CLDN7: variants seen among roughly 807,000 people sequenced by gnomAD.
CLDN7 encodes claudin 7, also known as claudin-7.
Under a neutral mutation model 20.3 loss-of-function variants are expected in CLDN7, and 15 were observed. The observed-to-expected ratio is 0.74, with a 90% confidence interval of 0.49 to 1.14. The LOEUF (loss-of-function observed/expected upper bound fraction) is 1.14. Among genes scored for constraint, CLDN7 ranks in the 50% most tolerant of loss-of-function variants. The probability of loss-of-function intolerance (pLI) is 0.00; values close to 1 mark genes in which losing one functional copy is unlikely to be tolerated. For synonymous variants in CLDN7, 117 were observed against 106.1 expected, an observed-to-expected ratio of 1.10 and a Z score of -0.63; for missense variants, 261 against 274.2, an observed-to-expected ratio of 0.95 and a Z score of 0.34.
rs748863158 is a variant in CLDN7, at chr17:7,261,801, C to G, written c.223+20G>C. 3.1e-6 allele frequency: 5 copies of G among 1,609,246 alleles called. No individual in the cohort carries two copies. The highest frequency in any genetic ancestry group is 4.2e-6 in the Non-Finnish European group (5 of 1,179,542). On this transcript the variant is annotated intron_variant, in intron 1 of 3. Transcript: ENST00000360325. Reference sequence around the variant, plus strand: ...ACCTCGGTCAAGGGCGCGTCCGCCCCGTCGGTCCCGCGGCCTTACCGGACA... The same window carrying G: ...ACCTCGGTCAAGGGCGCGTCCGCCCGGTCGGTCCCGCGGCCTTACCGGACA...
Position 7,260,635 on chromosome 17 carries a change from G to GACTT in CLDN7, c.473+3_473+6dup. On this transcript the variant is annotated splice_region_variant and intron_variant, in intron 3 of 3. Transcript: ENST00000360325. ...GTCCCCTTAGGAGGCAGGGTTCCCA[G>GACTT]ACTTACTTAATGTTGGTAGGGATCA... 6.2e-7 allele frequency: 1 copy of GACTT among 1,614,124 alleles called. No homozygotes were observed. The highest frequency in any genetic ancestry group is 8.5e-7 in the Non-Finnish European group (1 of 1,180,008).
Position 7,260,984 on chromosome 17 carries a change from C to A in CLDN7, c.225G>T (p.Ala75=). 5.0e-6 allele frequency: 8 copies of A among 1,608,310 alleles called. No individual in the cohort carries two copies. Among genetic ancestry groups the A allele is most frequent in the East Asian group, 2.2e-5 (1 of 44,862 alleles). ...TTAGGGCTCGAGTGGCCTGCAAGGCCGCTGCGGGCGAGGGGAAAGGGCGCC... is the reference window on the plus strand; with the variant it reads ...TTAGGGCTCGAGTGGCCTGCAAGGCAGCTGCGGGCGAGGGGAAAGGGCGCC... ...KMYDSVLALS[A]ALQATRALMV... The change falls in exon 2 of 4, where the codon GCG becomes GCT. Residue 75 remains alanine, a splice_region_variant and synonymous_variant. Coordinates refer to ENST00000360325, the MANE Select transcript of CLDN7 (RefSeq NM_001307.6).
Position 7,260,868 on chromosome 17 carries a change from T to G in CLDN7, c.341A>C (p.Lys114Thr). 6.2e-7 allele frequency: 1 copy of G among 1,614,238 alleles called. No individual in the cohort carries two copies. The highest frequency in any genetic ancestry group is 8.5e-7 in the Non-Finnish European group (1 of 1,180,040). Residue 114 changes from lysine to threonine, a missense_variant, in exon 2 of 4, where the codon AAG becomes ACG. This residue lies in a region of CLDN7 where 215 missense variants were observed against 199.6 expected (regional missense o/e 1.08). Transcript: ENST00000360325. ...CTRCGGDDKV[K>T]KARIAMGGGI... Reference sequence around the variant, plus strand: ...TCCACCCATGGCTATACGGGCCTTCTTCACTTTGTCGTCTCCCCCACAGCG... The same window carrying G: ...TCCACCCATGGCTATACGGGCCTTCGTCACTTTGTCGTCTCCCCCACAGCG...
Position 7,262,023 on chromosome 17 carries a change from C to T in CLDN7, c.21G>A (p.Gln7=). 6.2e-7 allele frequency: 1 copy of T among 1,613,656 alleles called. No individual in the cohort carries two copies. The highest frequency in any genetic ancestry group is 2.2e-5 in the East Asian group (1 of 44,854). MANSGL[Q]LLGFSMALLG... is the part of the protein sequence containing the mutation. Reference sequence around the variant, plus strand: ...GCAGGGCCATGGAGAAGCCCAGCAACTGCAGGCCCGAATTGGCCATTTCCG... The same window carrying T: ...GCAGGGCCATGGAGAAGCCCAGCAATTGCAGGCCCGAATTGGCCATTTCCG... Residue 7 remains glutamine (Q), a synonymous_variant, in exon 1 of 4, where the codon CAG becomes CAA. Coordinates refer to ENST00000360325, the MANE Select transcript of CLDN7 (RefSeq NM_001307.6). The surrounding 1 kb of genome is among the most constrained non-coding windows in gnomAD (Gnocchi z 6.6).
intron 2 of CLDN7, 38 bp from the exon 3 acceptor site, chr17:7,260,764 C>G (rs749475956): frequency 6.2e-7 from 1 of 1,614,162 alleles, no homozygotes; most frequent in Non-Finnish European, 8.5e-7. Context: ...AGTGAGGCCC[C>G]AAATGGGCGC....
upstream of CLDN7, chr17:7,262,683 G>A (rs147711018): frequency 6.5e-3 from 987 of 152,546 alleles, 10 homozygotes; most frequent in African/African-American, 0.022. This position sits in a 1 kb window ranked among gnomAD's most constrained non-coding sequence, Gnocchi z 6.6. Context: ...CCAGGGTCAC[G>A]CCCCTTCGCT....
upstream of CLDN7, chr17:7,262,514 T>TCGGGGGCGCGGCCCGCGCGCCC (rs890779433): frequency 1.3e-5 from 8 of 627,936 alleles, no homozygotes; most frequent in South Asian, 3.5e-4. This position sits in a 1 kb window ranked among gnomAD's most constrained non-coding sequence, Gnocchi z 6.6. Flanking sequence ...ATGTAGGGCG[T>TCGGGGGCGCGGCCCGCGCGCCC]CGGGGGCGCG....
At position 7,262,163 on chromosome 17, in the gene CLDN7, A is replaced by G; in HGVS notation, c.-120T>C. On this transcript the variant is annotated 5_prime_UTR_variant, in exon 1 of 4. Coordinates refer to ENST00000360325, the MANE Select transcript of CLDN7 (RefSeq NM_001307.6). This position sits in a 1 kb window ranked among gnomAD's most constrained non-coding sequence, Gnocchi z 6.6. ...GGTGGAGTTTTCCGGTCACCCAAAG[A>G]GACAAAAAGGGTTTGGGCCAGGTGA... is the stretch of plus-strand genomic sequence containing the variant. The G allele has an allele frequency of 6.8e-7, 1 of 1,463,844 alleles. No individual in the cohort carries two copies. The highest frequency in any genetic ancestry group is 9.0e-7 in the Non-Finnish European group (1 of 1,112,530). The allele number at this position is 1,463,844 out of a possible 1,614,324, so 90.7% of individuals were successfully genotyped here. A position where few individuals can be genotyped will look rare whatever the true frequency, so the allele number is the denominator to read the frequency against.
In CLDN7 at chr17:7,260,722, A is replaced by C; in HGVS notation, c.393T>G (p.Leu131=). ...ACCAGGAGCAAGCTACCAAGGCGGC[A>C]AGACCTGGAGACAGAATGAGGGTTT... ...GGGIIFIVAG[L]AALVACSWYG... Residue 131 remains leucine (L), a synonymous_variant, in exon 3 of 4, where the codon CTT becomes CTG. Transcript: ENST00000360325. The C allele has an allele frequency of 6.2e-7, 1 of 1,614,238 alleles. No homozygotes were observed. The highest frequency in any genetic ancestry group is 8.5e-7 in the Non-Finnish European group (1 of 1,180,038).
Position 7,259,919 on chromosome 17 carries a change from TTATTTTTTTATTAAA to T in CLDN7, c.*440_*454del. ...ACACCCCCGTACCTAATAAAAATCT[TTATTTTTTTATTAAA>T]AAAGAAGTACTTTGGTAGCTATTTA... On this transcript the variant is annotated 3_prime_UTR_variant, in exon 4 of 4. Coordinates refer to ENST00000360325, the MANE Select transcript of CLDN7 (RefSeq NM_001307.6). 4.2e-6 allele frequency: 2 copies of T among 479,574 alleles called. No individual in the cohort carries two copies. Among genetic ancestry groups the T allele is most frequent in the South Asian group, 1.1e-4 (2 of 18,326 alleles). 29.7% of individuals were successfully genotyped at this position (479,574 alleles called of 1,614,324 possible).
Position 7,261,937 on chromosome 17 carries a change from G to T in CLDN7, c.107C>A (p.Ala36Glu). ...CTGGGCCGTGATGATGTTGTCACCCGCATAGGAGCTCATCTGCCACTGCGG... is the reference window on the plus strand; with the variant it reads ...CTGGGCCGTGATGATGTTGTCACCCTCATAGGAGCTCATCTGCCACTGCGG... ...AIPQWQMSSYAGDNIITAQAM... is the reference protein window; with the variant it reads ...AIPQWQMSSYEGDNIITAQAM... The change falls in exon 1 of 4, where the codon GCG becomes GAG. Residue 36 changes from alanine to glutamate, a missense_variant. By Grantham distance (107) the Ala-to-Glu change is moderately radical. Coordinates refer to ENST00000360325, the MANE Select transcript of CLDN7 (RefSeq NM_001307.6). 1 of 1,614,076 alleles carries T rather than the reference G, an allele frequency of 6.2e-7. No individual in the cohort carries two copies. The highest frequency in any genetic ancestry group is 2.2e-5 in the East Asian group (1 of 44,882).
upstream of CLDN7, chr17:7,262,514 T>G (rs2143002535): frequency 1.6e-6 from 1 of 627,936 alleles, no homozygotes; most frequent in Non-Finnish European, 2.0e-6. This position sits in a 1 kb window ranked among gnomAD's most constrained non-coding sequence, Gnocchi z 6.6. Context: ...ATGTAGGGCG[T>G]CGGGGGCGCG....
chr17:7,261,066 A>G (rs1597590245), intron 1 of CLDN7, 81 bp from the exon 2 acceptor site: 3 of 1,493,886 alleles, frequency 2.0e-6, no homozygotes, highest in Non-Finnish European at 2.7e-6. Context: ...GCGCCCACTA[A>G]CCGCTGGACC....
intron 1 of CLDN7, 143 bp downstream of exon 1, chr17:7,261,678 C>T: frequency 1.5e-6 from 1 of 678,206 alleles, no homozygotes. Flanking sequence ...CGCCCAGCCC[C>T]GCCGCCCCCA....
Position 7,260,887 on chromosome 17 carries a change from C to G in CLDN7, c.322G>C (p.Gly108Arg), listed in dbSNP as rs142682069. The G allele has an allele frequency of 2.5e-6, 4 of 1,614,152 alleles. No individual in the cohort carries two copies. Among genetic ancestry groups the G allele is most frequent in the Non-Finnish European group, 3.4e-6 (4 of 1,180,056 alleles). The change falls in exon 2 of 4, where the codon GGG becomes CGG. Residue 108 changes from glycine (G) to arginine (R), a missense_variant. Physicochemically the swap from Gly to Arg is moderately radical, Grantham distance 125 (BLOSUM62 -2). This residue lies in a region of CLDN7 where 215 missense variants were observed against 199.6 expected (regional missense o/e 1.08). Coordinates refer to ENST00000360325, the MANE Select transcript of CLDN7 (RefSeq NM_001307.6). ...ATMGMKCTRC[G>R]GDDKVKKARI... The stretch of plus-strand genomic sequence containing the variant: ...GCCTTCTTCACTTTGTCGTCTCCCC[C>G]ACAGCGCGTGCACTTCATGCCCATC...
Position 7,260,213 on chromosome 17 carries a change from C to T in CLDN7, c.*161G>A. On this transcript the variant is annotated 3_prime_UTR_variant, in exon 4 of 4. Transcript: ENST00000360325. The stretch of plus-strand genomic sequence containing the variant: ...TTTTGTCTCTCCCACCAACGGCACC[C>T]CCCCACCCCCAACCCAAGAGGACTA... 1 of 589,502 alleles carries T rather than the reference C, an allele frequency of 1.7e-6. No individual in the cohort carries two copies. The highest frequency in any genetic ancestry group is 2.7e-6 in the Non-Finnish European group (1 of 370,502). 36.5% of individuals were successfully genotyped at this position (589,502 alleles called of 1,614,324 possible). A position where few individuals can be genotyped will look rare whatever the true frequency, so the allele number is the denominator to read the frequency against.
In CLDN7 at chr17:7,262,260, G is replaced by A. The variant is rs2072238512; in HGVS notation, c.-217C>T. Reference sequence around the variant, plus strand: ...AAGCGATGGCCTCGCGGCACAGGGAGTAGGATACGCCGGGAGGGTGGTTCC... The same window carrying A: ...AAGCGATGGCCTCGCGGCACAGGGAATAGGATACGCCGGGAGGGTGGTTCC... On this transcript the variant is annotated 5_prime_UTR_variant, in exon 1 of 4. Coordinates refer to ENST00000360325, the MANE Select transcript of CLDN7 (RefSeq NM_001307.6). The surrounding 1 kb of genome is among the most constrained non-coding windows in gnomAD (Gnocchi z 6.6). 7.1e-7 allele frequency: 1 copy of A among 1,416,834 alleles called. No homozygotes were observed. The highest frequency in any genetic ancestry group is 2.9e-5 in the Admixed American group (1 of 34,218). 87.8% of individuals were successfully genotyped at this position (1,416,834 alleles called of 1,614,324 possible).
Position 7,260,190 on chromosome 17 carries a change from T to C in CLDN7, c.*184A>G. 1 of 552,580 alleles carries C rather than the reference T, an allele frequency of 1.8e-6. No individual in the cohort carries two copies. Among genetic ancestry groups the C allele is most frequent in the Non-Finnish European group, 3.1e-6 (1 of 324,730 alleles). The allele number at this position is 552,580 out of a possible 1,614,324, so 34.2% of individuals were successfully genotyped here. ...TACAAAAAGCACACTCTCCCTCTTT[T>C]TGTCTCTCCCACCAACGGCACCCCC... On this transcript the variant is annotated 3_prime_UTR_variant, in exon 4 of 4. Coordinates refer to ENST00000360325, the MANE Select transcript of CLDN7 (RefSeq NM_001307.6).
chr17:7,262,101 C>G lies in CLDN7; in HGVS notation c.-58G>C, dbSNP rs1481834990. On this transcript the variant is annotated 5_prime_UTR_variant, in exon 1 of 4. Coordinates refer to ENST00000360325, the MANE Select transcript of CLDN7 (RefSeq NM_001307.6). This position sits in a 1 kb window ranked among gnomAD's most constrained non-coding sequence, Gnocchi z 6.6. ...CGGGGAGACCCTACAGTAAAACAAA[C>G]GACACTTGGGGGGCAGCCCCACAAA... 6.5e-7 allele frequency: 1 copy of G among 1,547,058 alleles called. No homozygotes were observed. Among genetic ancestry groups the G allele is most frequent in the South Asian group, 1.2e-5 (1 of 84,540 alleles).
Sources: allele counts gnomAD v4.1 joint callset, GRCh38; gene constraint gnomAD v4.1.1; regional missense constraint gnomAD v4.1.1; non-coding constraint Gnocchi (gnomAD v3.1); transcripts MANE v1.5; gene names NCBI Gene and HGNC (gene_info 2026-07-23, HGNC 2026-07-21).